FRMD3: variants seen among roughly 807,000 people sequenced by gnomAD.
FRMD3 encodes the protein FERM domain-containing protein 3.
FRMD3 carries 33 observed loss-of-function variants against 70.2 expected under a neutral mutation model. That is an observed-to-expected ratio of 0.47 (90% CI 0.36 to 0.63). The LOEUF (loss-of-function observed/expected upper bound fraction) is 0.63. Ranked by LOEUF, FRMD3 falls within the 20% of genes least tolerant of loss-of-function variation. The pLI is 0.00. For synonymous variants in FRMD3, 279 were observed against 255.9 expected (o/e 1.09, Z -0.86); for missense variants, 632 against 711.4 (o/e 0.89, Z 1.27).
chr9:83,411,498 C>T (rs1826276789), intron 1 of FRMD3, among the ~76,000 whole-genome samples: 1 of 152,214 alleles, frequency 6.6e-6, no homozygotes, highest in African/African-American at 2.4e-5. Context: ...ATCTACCCAT[C>T]CCTTGGGGGA....
At chr9:83,545,470 G>T in the FRMD3 span, among the ~76,000 whole-genome samples, 3 of 146,720 alleles carry the variant, frequency 2.0e-5, no homozygotes, top group African/African-American at 7.6e-5. Flanking sequence ...CCATTCTCCT[G>T]CCTCAGCCTC....
intron 1 of FRMD3, among the ~76,000 whole-genome samples, chr9:83,533,142 G>A (rs945369211): frequency 6.6e-5 from 10 of 152,190 alleles, no homozygotes; most frequent in African/African-American, 2.4e-4. Context: ...CCAAGAGGCA[G>A]TGCTCCAGAG....
chr9:83,557,338 T>C, the FRMD3 span, among the ~76,000 whole-genome samples: 15 of 152,304 alleles, frequency 9.8e-5, no homozygotes, highest in African/African-American at 3.4e-4. Flanking sequence ...GAAGTAAACT[T>C]CTTTTATGAC....
At chr9:83,481,654 T>C (rs946466736) in intron 1 of FRMD3, among the ~76,000 whole-genome samples, 1 of 152,196 alleles carries the variant, frequency 6.6e-6, no homozygotes, top group Non-Finnish European at 1.5e-5. Context: ...AAAACTTTAA[T>C]TTGCCCAAAA....
chr9:83,402,905 T>C (rs1270983034), intron 1 of FRMD3, among the ~76,000 whole-genome samples: 6 of 134,400 alleles, frequency 4.5e-5, no homozygotes, highest in East Asian at 2.1e-4. Flanking sequence ...TTTCTTTTTT[T>C]TTTTTTTTTT....
At chr9:83,522,230 T>C (rs1425952182) in intron 1 of FRMD3, among the ~76,000 whole-genome samples, 1 of 152,208 alleles carries the variant, frequency 6.6e-6, no homozygotes, top group Non-Finnish European at 1.5e-5. Flanking sequence ...TTATAAGTAG[T>C]AACTTTGGAA....
intron 1 of FRMD3, among the ~76,000 whole-genome samples, chr9:83,450,922 A>T (rs1253555297): frequency 1.3e-5 from 2 of 152,146 alleles, no homozygotes; most frequent in Admixed American, 6.5e-5. Context: ...AAATGTAGGA[A>T]ATGAGGCTTT....
intron 1 of FRMD3, among the ~76,000 whole-genome samples, chr9:83,453,818 C>T (rs567250344): frequency 2.1e-4 from 32 of 151,164 alleles, no homozygotes; most frequent in African/African-American, 7.3e-4. Context: ...CAGGTTCACG[C>T]CATTCTCTTG....
intron 1 of FRMD3, among the ~76,000 whole-genome samples, chr9:83,445,447 C>T (rs911735388): frequency 6.6e-6 from 1 of 152,154 alleles, no homozygotes; most frequent in Non-Finnish European, 1.5e-5. Flanking sequence ...AGAAGATATG[C>T]TCCAAAGGGC....
rs181571337 is a variant in FRMD3 at position 83,529,486 on chromosome 9, T to C, written c.147+8599A>G. Among the ~76,000 whole-genome samples, 21 of 152,328 alleles carry C rather than the reference T, an allele frequency of 1.4e-4. No homozygotes were observed. In the East Asian group the frequency reaches 4.0e-3, roughly 29 times the overall value. ...CTTTAAAATGATGAATTTTATGGTA[T>C]GCAAACTATGTATCAATTTTAAAAA... On this transcript the variant is annotated intron_variant, in intron 1 of 13. Coordinates refer to ENST00000304195, the MANE Select transcript of FRMD3 (RefSeq NM_174938.6).
rs36067089 is a variant in FRMD3, at chr9:83,270,843, A to ATTT, written c.1195+19757_1195+19759dup. Among the ~76,000 whole-genome samples the ATTT allele has an allele frequency of 5.9e-3, 843 of 143,782 alleles. 4 individuals carry two copies. Among genetic ancestry groups the ATTT allele is most frequent in the Non-Finnish European group, 7.9e-3 (516 of 65,288 alleles). The allele number at this position is 143,782 out of a possible 152,430, so 94.3% of individuals were successfully genotyped here. On this transcript the variant is annotated intron_variant, in intron 13 of 13. Coordinates refer to ENST00000304195, the MANE Select transcript of FRMD3 (RefSeq NM_174938.6). ...AGCGATTTTTTTTCAATACATGGTC[A>ATTT]TTTTTTTTTTTTTTGGTCTCTTTTT...
chr9:83,248,499 C>A lies in FRMD3; in HGVS notation c.1213G>T (p.Glu405Ter), dbSNP rs1273516629. Residue 405 changes from glutamate to a stop codon, truncating the protein, a stop_gained, in exon 14 of 14, where the codon GAG (glutamate) becomes TAG (stop). Coordinates refer to ENST00000304195, the MANE Select transcript of FRMD3 (RefSeq NM_174938.6). LOFTEE classifies it high-confidence loss of function. ...ATCAAGGGAGCAGAAATGTTCTCCT[C>A]TTTAGGCAATGGAACACCTGTAAAG... ...PLGEGVPLPK[E>*]ENISAPLISS... 5.0e-6 allele frequency: 8 copies of A among 1,609,002 alleles called. No individual in the cohort carries two copies. The highest frequency in any genetic ancestry group is 6.8e-6 in the Non-Finnish European group (8 of 1,179,102).
intron 10 of FRMD3, among the ~76,000 whole-genome samples, chr9:83,300,714 A>G (rs1430644042): frequency 6.6e-6 from 1 of 152,200 alleles, no homozygotes; most frequent in East Asian, 1.9e-4. Context: ...TATAAAATAC[A>G]TTTTTAAAAG....
intron 3 of FRMD3, chr9:83,350,889 A>G: frequency 2.2e-6 from 1 of 451,286 alleles, no homozygotes; most frequent in Non-Finnish European, 2.9e-6. Flanking sequence ...ATAAATGCAT[A>G]CCAGTGTAGT....
At chr9:83,421,018 G>T (rs1033784893) in intron 1 of FRMD3, among the ~76,000 whole-genome samples, 1 of 138,404 alleles carries the variant, frequency 7.2e-6, no homozygotes, top group African/African-American at 2.8e-5. Context: ...TCGGCTCACT[G>T]CAAGCTCCGC....
chr9:83,403,007 G>A (rs1030811013), intron 1 of FRMD3, among the ~76,000 whole-genome samples: 21 of 146,416 alleles, frequency 1.4e-4, no homozygotes, highest in Admixed American at 2.8e-4. Flanking sequence ...GGGTTCAAGC[G>A]ATTCTCCTGT....
intron 13 of FRMD3, among the ~76,000 whole-genome samples, chr9:83,272,558 T>C (rs1300065257): frequency 6.7e-6 from 1 of 148,866 alleles, no homozygotes; most frequent in Non-Finnish European, 1.5e-5. Flanking sequence ...CATCTCTGCC[T>C]GGCCGCCCAT....
intron 3 of FRMD3, among the ~76,000 whole-genome samples, chr9:83,365,873 G>C (rs1326861012): frequency 6.6e-6 from 1 of 152,182 alleles, no homozygotes; most frequent in Non-Finnish European, 1.5e-5. Context: ...TGTGCTGAGT[G>C]CCAATGAGAA....
At chr9:83,472,775 A>G (rs1220128681) in intron 1 of FRMD3, among the ~76,000 whole-genome samples, 1 of 151,812 alleles carries the variant, frequency 6.6e-6, no homozygotes, top group Non-Finnish European at 1.5e-5. Flanking sequence ...ACCGATGAGA[A>G]GAAAGGATTT....
Sources: gnomAD v4.1 joint callset for allele counts (sites outside exome capture counted in the v4.1 genomes callset) on GRCh38, gnomAD v4.1.1 for gene constraint, MANE v1.5 for transcripts, NCBI Gene and HGNC (gene_info 2026-07-23, HGNC 2026-07-21) for gene names.